NTM: variants seen among roughly 807,000 people sequenced by gnomAD.
The protein encoded by NTM is IgLON family member 2.
In NTM, 13 loss-of-function variants were observed where a neutral mutation model predicts 42.1. The observed-to-expected ratio is 0.31, with a 90% confidence interval of 0.20 to 0.49. NTM has a LOEUF of 0.49. Among genes scored for constraint, NTM ranks in the 20% least tolerant of loss-of-function variants. NTM has a pLI of 0.99. For missense variants in NTM, 373 were observed against 452.8 expected, an observed-to-expected ratio of 0.82 and a Z score of 1.60; for synonymous variants, 187 against 179.2, an observed-to-expected ratio of 1.04 and a Z score of -0.35.
intron 1 of NTM, among the ~76,000 whole-genome samples, chr11:131,436,001 T>C (rs746018735): frequency 6.6e-6 from 1 of 152,218 alleles, no homozygotes; most frequent in Non-Finnish European, 1.5e-5. Flanking sequence ...CATGAAGGGC[T>C]GTTCAATTTT....
intron 1 of NTM, among the ~76,000 whole-genome samples, chr11:131,633,939 A>G (rs1437707376): frequency 1.3e-5 from 2 of 152,084 alleles, no homozygotes; most frequent in Non-Finnish European, 2.9e-5. Context: ...CTCATGGTAT[A>G]TTACGCTCAG....
intron 1 of NTM, among the ~76,000 whole-genome samples, chr11:131,473,801 G>A (rs1296896919): frequency 2.0e-5 from 3 of 152,146 alleles, no homozygotes; most frequent in African/African-American, 7.2e-5. Context: ...TCTCTCAGAG[G>A]ATGAGGTAGC....
chr11:131,555,218 A>G (rs2055246903), intron 1 of NTM, among the ~76,000 whole-genome samples: 1 of 152,204 alleles, frequency 6.6e-6, no homozygotes, highest in African/African-American at 2.4e-5. Flanking sequence ...AGTAAATTCC[A>G]TACACATCCT....
At chr11:132,321,277 GA>G (rs997523265) in intron 7 of NTM, among the ~76,000 whole-genome samples, 1 of 152,030 alleles carries the variant, frequency 6.6e-6, no homozygotes, top group Admixed American at 6.6e-5. Context: ...TGAAAACTTT[GA>G]AAAAAATTTA....
intron 2 of NTM, among the ~76,000 whole-genome samples, chr11:132,060,503 C>T (rs545086750): frequency 2.4e-4 from 34 of 144,674 alleles, no homozygotes; most frequent in Admixed American, 4.8e-4. Context: ...TGCTGTCCTC[C>T]GCTGATGAAA....
At chr11:132,160,204 C>T (rs1333417230) in intron 3 of NTM, among the ~76,000 whole-genome samples, 1 of 152,172 alleles carries the variant, frequency 6.6e-6, no homozygotes, top group Non-Finnish European at 1.5e-5. Flanking sequence ...GTAGAATAGT[C>T]AAGAAATTCT....
chr11:132,280,016 T>C (rs2093907056), intron 4 of NTM, among the ~76,000 whole-genome samples: 1 of 152,224 alleles, frequency 6.6e-6, no homozygotes, highest in South Asian at 2.1e-4. Flanking sequence ...TAAACAGGAC[T>C]TCATTGATAG....
intron 1 of NTM, among the ~76,000 whole-genome samples, chr11:131,766,052 C>G (rs2085045575): frequency 6.6e-6 from 1 of 152,150 alleles, no homozygotes; most frequent in Non-Finnish European, 1.5e-5. Flanking sequence ...AACAAAATGA[C>G]TAAACAATTG....
At chr11:132,160,327 T>C (rs2137592340) in intron 3 of NTM, among the ~76,000 whole-genome samples, 1 of 152,322 alleles carries the variant, frequency 6.6e-6, no homozygotes, top group East Asian at 1.9e-4. Context: ...GGAAGTGCCC[T>C]CAAGGGTCAG....
chr11:132,009,600 T>G (rs1353350754), intron 2 of NTM, among the ~76,000 whole-genome samples: 1 of 152,188 alleles, frequency 6.6e-6, no homozygotes, highest in East Asian at 1.9e-4. Flanking sequence ...GGGACGTCTT[T>G]GGAGCCCTAA....
At chr11:131,977,132 C>T (rs1198369962) in intron 2 of NTM, among the ~76,000 whole-genome samples, 1 of 152,232 alleles carries the variant, frequency 6.6e-6, no homozygotes, top group Admixed American at 6.5e-5. Context: ...AGGAACCCAT[C>T]CCTTCAGAAA....
In NTM at chr11:132,159,101, G is replaced by C. The variant is rs542028905; in HGVS notation, c.400+12587G>C. Among the ~76,000 whole-genome samples, 9 of 152,298 alleles carry C rather than the reference G, an allele frequency of 5.9e-5. No individual in the cohort carries two copies. In the East Asian group the frequency reaches 1.7e-3, roughly 29 times the overall value. On this transcript the variant is annotated intron_variant, in intron 3 of 8. Transcript: ENST00000683400. ...TCAGAATGAAGGGTGGATTGGAGGG[G>C]AGTTTTGCAGCAGGGAGACTGAGAG...
In NTM at chr11:132,015,121, T is replaced by C. The variant is rs1388728140; in HGVS notation, c.167+103473T>C. The stretch of plus-strand genomic sequence containing the variant: ...TTCTTCTGCATAGGAATATCCAGTT[T>C]TTTTCAGCACCAATTATTGAACAGT... On this transcript the variant is annotated intron_variant, in intron 2 of 8. Transcript: ENST00000683400. Among the ~76,000 whole-genome samples the C allele has an allele frequency of 3.3e-5, 5 of 152,152 alleles. No homozygotes were observed. In the East Asian group the frequency reaches 7.7e-4, roughly 23 times the overall value.
intron 2 of NTM, among the ~76,000 whole-genome samples, chr11:131,928,150 G>T (rs903465241): frequency 6.6e-6 from 1 of 151,516 alleles, no homozygotes; most frequent in Admixed American, 6.6e-5. Flanking sequence ...AACCAACATC[G>T]GTAGAAGCAC....
chr11:131,670,201 C>A (rs2134620154), intron 1 of NTM, among the ~76,000 whole-genome samples: 1 of 152,288 alleles, frequency 6.6e-6, no homozygotes, highest in East Asian at 1.9e-4. Context: ...AAAAGCTCTT[C>A]TCCTGCCACG....
chr11:132,260,524 A>G (rs1244630564), intron 4 of NTM, among the ~76,000 whole-genome samples: 1 of 152,200 alleles, frequency 6.6e-6, no homozygotes, highest in Non-Finnish European at 1.5e-5. Flanking sequence ...AAGTAAGAGA[A>G]ACCAAAAAAT....
At chr11:132,230,895 G>A (rs540332144) in intron 4 of NTM, among the ~76,000 whole-genome samples, 26 of 152,296 alleles carry the variant, frequency 1.7e-4, no homozygotes, top group Middle Eastern at 3.4e-3. Context: ...GTGGTGATGC[G>A]CACCTGCAGT....
At chr11:131,407,163 G>A (rs1331873888) in intron 1 of NTM, among the ~76,000 whole-genome samples, 1 of 152,176 alleles carries the variant, frequency 6.6e-6, no homozygotes, top group African/African-American at 2.4e-5. Flanking sequence ...GCTTGAGGGT[G>A]TCCAGAGAAT....
chr11:131,816,666 G>C (rs1409435288), intron 1 of NTM, among the ~76,000 whole-genome samples: 1 of 152,076 alleles, frequency 6.6e-6, no homozygotes, highest in African/African-American at 2.4e-5. Flanking sequence ...TGCTGGATTA[G>C]AATTAGATCC....
Sources: allele counts gnomAD v4.1 joint callset (sites outside exome capture counted in the v4.1 genomes callset), GRCh38; gene constraint gnomAD v4.1.1; transcripts MANE v1.5; gene names NCBI Gene and HGNC (gene_info 2026-07-23, HGNC 2026-07-21).